Variants in CCSER2 observed in about 807,000 individuals in gnomAD.
CCSER2 encodes the protein coiled-coil serine rich protein 2, also known as serine-rich coiled-coil domain-containing protein 2.
A neutral mutation model predicts 92.3 loss-of-function variants in CCSER2; 46 were observed. The ratio of observed to expected loss-of-function variants is 0.50; its 90% CI spans 0.39 to 0.64. The LOEUF (loss-of-function observed/expected upper bound fraction) is 0.64, where lower values mean the gene tolerates loss of function less well. Ranked by LOEUF, CCSER2 falls within the 30% of genes least tolerant of loss-of-function variation. CCSER2 has a pLI of 0.00. For missense variants in CCSER2, 1,244 were observed against 1,238.9 expected (o/e 1.00, Z -0.06); for synonymous variants, 433 against 431.4 (o/e 1.00, Z -0.04).
chr10:84,475,291 G>A (rs1847072394), intron 8 of CCSER2, among the ~76,000 whole-genome samples: 1 of 152,172 alleles, frequency 6.6e-6, no homozygotes, highest in African/African-American at 2.4e-5. Flanking sequence ...CAAATAGAAG[G>A]TGAGCATCTG....
chr10:84,430,309 A>G (rs562014097), intron 5 of CCSER2, among the ~76,000 whole-genome samples: 72 of 152,274 alleles, frequency 4.7e-4, no homozygotes, highest in Admixed American at 1.4e-3. Context: ...CAGCCTATAC[A>G]TGTATATGTT....
At chr10:84,405,117 ACAGT>A (rs1362068671) in intron 3 of CCSER2, among the ~76,000 whole-genome samples, 1 of 152,194 alleles carries the variant, frequency 6.6e-6, no homozygotes, top group Non-Finnish European at 1.5e-5. Flanking sequence ...TGACAAAGGG[ACAGT>A]CAGGTAAATC....
chr10:84,500,605 T>C (rs986817122), intron 9 of CCSER2, among the ~76,000 whole-genome samples: 1 of 152,248 alleles, frequency 6.6e-6, no homozygotes, highest in Admixed American at 6.5e-5. Flanking sequence ...AATTTTTGTT[T>C]ATGTTAAATC....
intron 9 of CCSER2, among the ~76,000 whole-genome samples, chr10:84,480,379 T>A (rs372492825): frequency 2.0e-5 from 3 of 152,206 alleles, no homozygotes; most frequent in South Asian, 2.1e-4. Flanking sequence ...AAAGGCATAG[T>A]TTCAGTAAGA....
At chr10:84,422,109 GA>G (rs1843181073) in intron 4 of CCSER2, among the ~76,000 whole-genome samples, 1 of 152,186 alleles carries the variant, frequency 6.6e-6, no homozygotes, top group Non-Finnish European at 1.5e-5. Context: ...CTGCCTTGGG[GA>G]GAGGAATTCT....
intron 3 of CCSER2, among the ~76,000 whole-genome samples, chr10:84,384,119 G>C (rs923501252): frequency 6.6e-6 from 1 of 151,996 alleles, no homozygotes; most frequent in Non-Finnish European, 1.5e-5. Context: ...TAATGAAATT[G>C]AATTAGTCAT....
intron 1 of CCSER2, among the ~76,000 whole-genome samples, chr10:84,343,075 G>A (rs967492891): frequency 1.3e-5 from 2 of 152,156 alleles, no homozygotes; most frequent in Admixed American, 6.5e-5. Context: ...GGTTTACCAT[G>A]TTGGCCAGGC....
chr10:84,505,117 C>T (rs1848973661), intron 9 of CCSER2, among the ~76,000 whole-genome samples: 1 of 152,032 alleles, frequency 6.6e-6, no homozygotes, highest in Non-Finnish European at 1.5e-5. Flanking sequence ...GCTTTTTTCA[C>T]ATAGTATCAT....
chr10:84,344,933 A>C (rs1481017758), intron 1 of CCSER2, among the ~76,000 whole-genome samples: 1 of 152,178 alleles, frequency 6.6e-6, no homozygotes, highest in Non-Finnish European at 1.5e-5. Flanking sequence ...AATAATAAAA[A>C]TATCTACACT....
chr10:84,379,606 GT>G (rs1300011855), intron 3 of CCSER2, among the ~76,000 whole-genome samples: 2 of 40,068 alleles, frequency 5.0e-5, no homozygotes, highest in Non-Finnish European at 1.1e-4. Context: ...AAATATAGCA[GT>G]TAGTTCTTTT....
At chr10:84,391,341 G>C (rs549926645) in intron 3 of CCSER2, 95 of 1,427,728 alleles carry the variant, frequency 6.7e-5, no homozygotes, top group Non-Finnish European at 8.5e-5. Context: ...GAAGGACTTG[G>C]AGGCAACATT....
At chr10:84,441,733 A>ATTTTTTTTTTTT (rs1564667331) in intron 6 of CCSER2, among the ~76,000 whole-genome samples, 1 of 115,918 alleles carries the variant, frequency 8.6e-6, no homozygotes. Context: ...AGACTGGGAA[A>ATTTTTTTTTTTT]ATGTTTTTTT....
chr10:84,467,754 A>G (rs181940984), intron 7 of CCSER2, among the ~76,000 whole-genome samples: 6 of 152,220 alleles, frequency 3.9e-5, no homozygotes, highest in Admixed American at 6.5e-5. Context: ...TGGCGCAGCT[A>G]TTCACCATGT....
intron 3 of CCSER2, among the ~76,000 whole-genome samples, chr10:84,385,710 A>G (rs536575625): frequency 1.2e-4 from 18 of 152,354 alleles, no homozygotes; most frequent in African/African-American, 4.3e-4. Flanking sequence ...TTTATGAGTA[A>G]GACCTCAAAA....
At chr10:84,402,916 C>A (rs1589561618) in intron 3 of CCSER2, among the ~76,000 whole-genome samples, 1 of 152,126 alleles carries the variant, frequency 6.6e-6, no homozygotes, top group Non-Finnish European at 1.5e-5. Flanking sequence ...GCAATTTTTT[C>A]ATCAAAACCC....
chr10:84,456,166 A>G (rs1311675074), intron 6 of CCSER2: 11 of 274,734 alleles, frequency 4.0e-5, no homozygotes, highest in South Asian at 3.4e-4. Flanking sequence ...GCATGAATTC[A>G]GTGTACAGTT....
At chr10:84,396,816 C>T (rs186387770) in intron 3 of CCSER2, among the ~76,000 whole-genome samples, 45 of 152,088 alleles carry the variant, frequency 3.0e-4, no homozygotes, top group Middle Eastern at 3.4e-3. Context: ...GGATTACAGG[C>T]GTGAGCCACC....
At chr10:84,429,787 G>A (rs191626795) in intron 5 of CCSER2, among the ~76,000 whole-genome samples, 1 of 150,600 alleles carries the variant, frequency 6.6e-6, no homozygotes, top group African/African-American at 2.4e-5. Flanking sequence ...CATTAGTTAC[G>A]TTCTTTCTGC....
At chr10:84,477,777 T>C (rs1847240886) in intron 9 of CCSER2, 113 bp downstream of exon 9, 1 of 614,766 alleles carries the variant, frequency 1.6e-6, no homozygotes, top group Admixed American at 3.3e-5. Context: ...GCTGTTAATT[T>C]TTTTGTAGGT....
Sources: gnomAD v4.1 joint callset for allele counts (sites outside exome capture counted in the v4.1 genomes callset) on GRCh38, gnomAD v4.1.1 for gene constraint, MANE v1.5 for transcripts, NCBI Gene and HGNC (gene_info 2026-07-23, HGNC 2026-07-21) for gene names.